ADGRL3: variants seen among roughly 807,000 people sequenced by gnomAD.
ADGRL3 encodes adhesion G protein-coupled receptor L3.
A neutral mutation model predicts 153.5 loss-of-function variants in ADGRL3; 62 were observed. That is an observed-to-expected ratio of 0.40 (90% CI 0.33 to 0.50). The LOEUF is 0.50. ADGRL3 is among the 20% of genes least tolerant of loss of function. The pLI, the probability that ADGRL3 is intolerant of heterozygous loss-of-function variation, is 0.47. For synonymous variants in ADGRL3, 710 were observed against 672.5 expected (o/e 1.06, Z -0.86); for missense variants, 1,641 against 1,859.4 (o/e 0.88, Z 2.16).
chr4:61,829,678 T>C (rs1216404128), intron 9 of ADGRL3, among the ~76,000 whole-genome samples: 1 of 152,210 alleles, frequency 6.6e-6, no homozygotes, highest in Non-Finnish European at 1.5e-5. Context: ...AATTTCATGT[T>C]ATGTGTTTTT....
At chr4:61,380,508 A>G (rs1182074155) in intron 1 of ADGRL3, among the ~76,000 whole-genome samples, 1 of 151,864 alleles carries the variant, frequency 6.6e-6, no homozygotes, top group Non-Finnish European at 1.5e-5. Context: ...TGCATTTTGG[A>G]GATCTTATAT....
chr4:61,556,779 T>G (rs954826589), intron 4 of ADGRL3, among the ~76,000 whole-genome samples: 5 of 151,988 alleles, frequency 3.3e-5, no homozygotes, highest in African/African-American at 1.2e-4. Context: ...TTTGAAGGAG[T>G]TATTGAGGTT....
At chr4:61,390,347 G>A (rs1197839119) in intron 2 of ADGRL3, among the ~76,000 whole-genome samples, 1 of 151,968 alleles carries the variant, frequency 6.6e-6, no homozygotes, top group Non-Finnish European at 1.5e-5. Context: ...TCTAATCCAC[G>A]GCATTGAAAA....
At position 61,457,520 on chromosome 4, in the gene ADGRL3, T is replaced by A. The variant is rs187090988; in HGVS notation, c.-173-39601T>A. On this transcript the variant is annotated intron_variant, in intron 2 of 26. Transcript: ENST00000683033. ...TGTTCTGCAGCAGCTTGGTTTGAAA[T>A]CCTCTGTTAAAATGCAAATTACATA... Among the ~76,000 whole-genome samples the A allele has an allele frequency of 1.2e-3, 175 of 152,084 alleles. 1 individual carries two copies. Among genetic ancestry groups the A allele is most frequent in the African/African-American group, 4.0e-3 (168 of 41,564 alleles).
intron 5 of ADGRL3, among the ~76,000 whole-genome samples, chr4:61,614,219 C>T (rs548836435): frequency 6.6e-6 from 1 of 152,260 alleles, no homozygotes; most frequent in South Asian, 2.1e-4. Context: ...ATGCTCAATA[C>T]AGACCTCTCA....
At position 62,074,975 on chromosome 4, in the gene ADGRL3, T is replaced by C. The variant is rs1746691429; in HGVS notation, c.*4067T>C. 3 of 152,162 alleles carry C rather than the reference T, an allele frequency of 2.0e-5. No homozygotes were observed. The highest frequency in any genetic ancestry group is 2.0e-4 in the Admixed American group (3 of 15,274). The allele number at this position is 152,162 out of a possible 1,614,324, so 9.4% of individuals were successfully genotyped here. ...ACCCCCAACACATGTTGAAATGTTA[T>C]TGACTAGCTTGCTTTTTTTAAGGAA... is the stretch of plus-strand genomic sequence containing the variant. On this transcript the variant is annotated 3_prime_UTR_variant, in exon 27 of 27. Transcript: ENST00000683033.
At chr4:62,030,486 C>T (rs565810209) in intron 22 of ADGRL3, among the ~76,000 whole-genome samples, 9 of 151,550 alleles carry the variant, frequency 5.9e-5, no homozygotes, top group African/African-American at 1.9e-4. Flanking sequence ...TTATGAGTCC[C>T]ATCTGTTGCA....
chr4:61,596,253 AGT>A (rs2098988665), intron 5 of ADGRL3, among the ~76,000 whole-genome samples: 1 of 152,126 alleles, frequency 6.6e-6, no homozygotes, highest in East Asian at 1.9e-4. Flanking sequence ...TCTGCCCCTT[AGT>A]TACTTTTTAA....
chr4:61,325,236 AG>A (rs1214828690), intron 1 of ADGRL3, among the ~76,000 whole-genome samples: 1 of 152,046 alleles, frequency 6.6e-6, no homozygotes, highest in Non-Finnish European at 1.5e-5. Flanking sequence ...CGCTTGAACC[AG>A]GGAGTCGGAA....
chr4:61,748,796 A>C (rs1395842720), intron 8 of ADGRL3, among the ~76,000 whole-genome samples: 4 of 152,030 alleles, frequency 2.6e-5, no homozygotes, highest in Non-Finnish European at 5.9e-5. Flanking sequence ...GGACATAGGC[A>C]TGGGCAAGGA....
chr4:61,239,273 T>C (rs1754025557), intron 1 of ADGRL3, among the ~76,000 whole-genome samples: 1 of 152,128 alleles, frequency 6.6e-6, no homozygotes. Flanking sequence ...GCTGTGAAGG[T>C]AGACAGTGGG....
At chr4:61,910,580 T>G (rs1324046980) in intron 12 of ADGRL3, among the ~76,000 whole-genome samples, 4 of 151,784 alleles carry the variant, frequency 2.6e-5, no homozygotes, top group African/African-American at 9.7e-5. Flanking sequence ...TCAAATGACA[T>G]GGGTTCCCTG....
chr4:61,611,743 A>G (rs958734014), intron 5 of ADGRL3, among the ~76,000 whole-genome samples: 8 of 152,056 alleles, frequency 5.3e-5, no homozygotes, highest in African/African-American at 1.4e-4. Context: ...TAATATAGTG[A>G]GACCTCATCT....
intron 10 of ADGRL3, among the ~76,000 whole-genome samples, chr4:61,895,466 AAATAATAATAAT>A (rs10603633): frequency 4.0e-5 from 6 of 148,272 alleles, no homozygotes; most frequent in African/African-American, 1.2e-4. Flanking sequence ...ACTCCATCTC[AAATAATAATAAT>A]AATAATAATA....
chr4:61,616,754 C>G (rs2092048697), intron 5 of ADGRL3, among the ~76,000 whole-genome samples: 1 of 152,082 alleles, frequency 6.6e-6, no homozygotes, highest in African/African-American at 2.4e-5. Flanking sequence ...AAAAATTAAA[C>G]TTCCATGTTA....
chr4:61,849,484 A>ATT (rs5858733), intron 9 of ADGRL3, among the ~76,000 whole-genome samples: 30 of 149,118 alleles, frequency 2.0e-4, no homozygotes, highest in African/African-American at 5.9e-4. Context: ...ATATTTTTAT[A>ATT]TTTTTTTTTT....
chr4:61,321,576 G>A (rs901048558), intron 1 of ADGRL3, among the ~76,000 whole-genome samples: 1 of 150,914 alleles, frequency 6.6e-6, no homozygotes, highest in African/African-American at 2.4e-5. Context: ...CATACACAAA[G>A]ATAGATGGTG....
At chr4:61,579,582 C>A (rs912464450) in intron 4 of ADGRL3, 1 of 511,878 alleles carries the variant, frequency 2.0e-6, no homozygotes, top group African/African-American at 1.9e-5. Flanking sequence ...TGTGTATGTG[C>A]CCTCAAAAAG....
At chr4:61,863,894 A>G (rs1055202565) in intron 9 of ADGRL3, among the ~76,000 whole-genome samples, 2 of 152,224 alleles carry the variant, frequency 1.3e-5, no homozygotes, top group Non-Finnish European at 2.9e-5. Context: ...AGTATGCTCA[A>G]TCAGGTGTTT....
Sources: gnomAD v4.1 joint callset for allele counts (sites outside exome capture counted in the v4.1 genomes callset) on GRCh38, gnomAD v4.1.1 for gene constraint, MANE v1.5 for transcripts, NCBI Gene and HGNC (gene_info 2026-07-23, HGNC 2026-07-21) for gene names.